The following ATG10 variants were observed in gnomAD, a reference collection of about 807,000 sequenced individuals.
The protein encoded by ATG10 is autophagy related 10, also known as ubiquitin-like-conjugating enzyme ATG10.
A neutral mutation model predicts 32.1 loss-of-function variants in ATG10; 30 were observed. That is an observed-to-expected ratio of 0.94 (90% CI 0.70 to 1.27). The LOEUF (loss-of-function observed/expected upper bound fraction) is 1.27, where lower values mean the gene tolerates loss of function less well. Among genes scored for constraint, ATG10 ranks in the 50% most tolerant of loss-of-function variants. The pLI is 0.00. For synonymous variants in ATG10, 87 were observed against 91.5 expected, an observed-to-expected ratio of 0.95 and a Z score of 0.28; for missense variants, 233 against 262.3, an observed-to-expected ratio of 0.89 and a Z score of 0.77.
intron 2 of ATG10, among the ~76,000 whole-genome samples, chr5:82,020,977 C>G (rs1437377499): frequency 6.6e-6 from 1 of 151,940 alleles, no homozygotes; most frequent in African/African-American, 2.4e-5. Flanking sequence ...GTAGAGGTCC[C>G]TTATAAACAC....
chr5:82,125,471 C>G (rs1038353623), intron 3 of ATG10, among the ~76,000 whole-genome samples: 1 of 152,066 alleles, frequency 6.6e-6, no homozygotes, highest in African/African-American at 2.4e-5. Flanking sequence ...GGAAAGTGTC[C>G]AGTTTCAGTT....
chr5:82,191,678 C>T (rs1055673271), intron 5 of ATG10, among the ~76,000 whole-genome samples: 7 of 152,168 alleles, frequency 4.6e-5, no homozygotes, highest in Non-Finnish European at 7.3e-5. Flanking sequence ...CCTTCTCCCA[C>T]AATAACAATC....
At chr5:82,077,870 A>G (rs1433142200) in intron 3 of ATG10, among the ~76,000 whole-genome samples, 1 of 152,126 alleles carries the variant, frequency 6.6e-6, no homozygotes, top group Admixed American at 6.6e-5. Flanking sequence ...ACTTGTCTGG[A>G]GTATTTTGTT....
At chr5:82,159,020 A>G (rs1306085090) in intron 3 of ATG10, among the ~76,000 whole-genome samples, 3 of 152,222 alleles carry the variant, frequency 2.0e-5, no homozygotes, top group Non-Finnish European at 2.9e-5. Flanking sequence ...TAATGAGCAC[A>G]GTAAGAGATT....
intron 3 of ATG10, among the ~76,000 whole-genome samples, chr5:82,118,387 C>CATATATATATATATATATATACATAT (rs71605823): frequency 2.5e-5 from 2 of 80,734 alleles, no homozygotes; most frequent in African/African-American, 1.1e-4. Flanking sequence ...AATATATGTA[C>CATATATATATATATATATATACATAT]ATATATATAT....
chr5:81,997,043 G>A (rs1382065034), intron 2 of ATG10, among the ~76,000 whole-genome samples: 1 of 152,088 alleles, frequency 6.6e-6, no homozygotes, highest in East Asian at 1.9e-4. Flanking sequence ...CACACACATG[G>A]ATGCCAGTGA....
chr5:82,166,301 A>G (rs1226578466), intron 4 of ATG10, among the ~76,000 whole-genome samples: 1 of 152,166 alleles, frequency 6.6e-6, no homozygotes, highest in East Asian at 1.9e-4. Flanking sequence ...AACCAAAACA[A>G]GTCATTTGTT....
chr5:82,227,352 CAT>C (rs113979616), intron 5 of ATG10, among the ~76,000 whole-genome samples: 5 of 151,550 alleles, frequency 3.3e-5, no homozygotes, highest in East Asian at 3.9e-4. Context: ...AATTCACACA[CAT>C]ATATATATAT....
chr5:81,988,310 T>C (rs553260952), intron 2 of ATG10, among the ~76,000 whole-genome samples: 1 of 152,024 alleles, frequency 6.6e-6, no homozygotes, highest in East Asian at 1.9e-4. Context: ...CTAAATTTTT[T>C]GTATTTTTAG....
At chr5:82,012,683 G>T (rs1359036886) in intron 2 of ATG10, among the ~76,000 whole-genome samples, 1 of 151,968 alleles carries the variant, frequency 6.6e-6, no homozygotes, top group African/African-American at 2.4e-5. Context: ...TTGAGACAGG[G>T]TCTCACTGTG....
intron 3 of ATG10, among the ~76,000 whole-genome samples, chr5:82,059,793 G>A (rs1190011843): frequency 6.6e-6 from 1 of 152,116 alleles, no homozygotes; most frequent in East Asian, 1.9e-4. Context: ...AATTAGGTTT[G>A]CAAGTTATTC....
intron 5 of ATG10, 128 bp from the exon 6 acceptor site, chr5:82,252,434 A>G: frequency 4.6e-6 from 3 of 650,232 alleles, no homozygotes; most frequent in Non-Finnish European, 8.1e-6. Flanking sequence ...TAGAAAATAA[A>G]CCTGTATATT....
In ATG10 at chr5:82,106,229, T is replaced by G. The variant is rs1376262082; in HGVS notation, c.216+47627T>G. ...AAAAGAGCTATTTTTAAAAATGGCA[T>G]TGAAATGGTGTATAAGATCAAACAG... On this transcript the variant is annotated intron_variant, in intron 3 of 7. Coordinates refer to ENST00000282185, the MANE Select transcript of ATG10 (RefSeq NM_031482.5). Among the ~76,000 whole-genome samples the G allele has an allele frequency of 2.0e-5, 3 of 152,170 alleles. No individual in the cohort carries two copies. The South Asian group carries it at 6.2e-4, about 31-fold the overall frequency.
intron 2 of ATG10, chr5:82,009,795 A>G (rs560009400): frequency 5.6e-6 from 9 of 1,607,040 alleles, no homozygotes; most frequent in Middle Eastern, 3.3e-4. Flanking sequence ...AGCATTTGCC[A>G]TGGACAAGAT....
intron 5 of ATG10, among the ~76,000 whole-genome samples, chr5:82,207,236 A>G (rs1018667921): frequency 1.3e-5 from 2 of 152,206 alleles, no homozygotes; most frequent in African/African-American, 4.8e-5. Context: ...GTTAATACCA[A>G]ACAGCTTTCT....
At chr5:82,098,308 G>GGT (rs1765137550) in intron 3 of ATG10, among the ~76,000 whole-genome samples, 1 of 115,602 alleles carries the variant, frequency 8.7e-6, no homozygotes, top group South Asian at 2.8e-4. Flanking sequence ...TTGTTGTTGG[G>GGT]TTTTTTTTTT....
chr5:82,185,302 G>GTTTTTTATTTGGA (rs1464204682), intron 5 of ATG10, among the ~76,000 whole-genome samples: 1 of 152,152 alleles, frequency 6.6e-6, no homozygotes, highest in Non-Finnish European at 1.5e-5. Context: ...AAACTTTGGA[G>GTTTTTTATTTGGA]GTTCTTTATT....
chr5:82,162,612 TG>T (rs997557755), intron 3 of ATG10, among the ~76,000 whole-genome samples: 1 of 152,102 alleles, frequency 6.6e-6, no homozygotes, highest in African/African-American at 2.4e-5. Flanking sequence ...CAGCCTTATT[TG>T]TAAGTAGCAG....
intron 2 of ATG10, among the ~76,000 whole-genome samples, chr5:81,990,984 G>T (rs1044263473): frequency 1.6e-4 from 24 of 152,238 alleles, no homozygotes; most frequent in Non-Finnish European, 2.9e-4. Flanking sequence ...GATGCCCAAT[G>T]GGATGGTCAT....
Sources: allele counts gnomAD v4.1 joint callset (sites outside exome capture counted in the v4.1 genomes callset), GRCh38; gene constraint gnomAD v4.1.1; transcripts MANE v1.5; gene names NCBI Gene and HGNC (gene_info 2026-07-23, HGNC 2026-07-21).